The following PTPN1 variants were observed in gnomAD, a reference collection of about 807,000 sequenced individuals.
The protein encoded by PTPN1 is tyrosine-protein phosphatase non-receptor type 1.
Under a neutral mutation model 59.9 loss-of-function variants are expected in PTPN1, and 12 were observed. The ratio of observed to expected loss-of-function variants is 0.20; its 90% CI spans 0.13 to 0.32. The LOEUF is 0.32. Ranked by LOEUF, PTPN1 falls within the 10% of genes least tolerant of loss-of-function variation. The pLI, the probability that PTPN1 is intolerant of heterozygous loss-of-function variation, is 1.00. For synonymous variants in PTPN1, 178 were observed against 203.6 expected (o/e 0.87, Z 1.07); for missense variants, 356 against 549.2 (o/e 0.65, Z 3.52).
intron 1 of PTPN1, among the ~76,000 whole-genome samples, chr20:50,543,619 G>A (rs1425003313): frequency 1.3e-5 from 2 of 152,148 alleles, no homozygotes; most frequent in East Asian, 3.8e-4. Context: ...AGCTGACCAA[G>A]CCAGAAGAAG....
chr20:50,543,622 A>C (rs1040085789), intron 1 of PTPN1, among the ~76,000 whole-genome samples: 1 of 152,234 alleles, frequency 6.6e-6, no homozygotes, highest in African/African-American at 2.4e-5. Flanking sequence ...TGACCAAGCC[A>C]GAAGAAGCAC....
intron 1 of PTPN1, among the ~76,000 whole-genome samples, chr20:50,545,899 G>A (rs896084012): frequency 6.6e-6 from 1 of 150,540 alleles, no homozygotes; most frequent in African/African-American, 2.5e-5. Flanking sequence ...ATGGTGGAAC[G>A]TAGTGCGTGG....
At chr20:50,544,810 G>A (rs1457856085) in intron 1 of PTPN1, among the ~76,000 whole-genome samples, 1 of 152,132 alleles carries the variant, frequency 6.6e-6, no homozygotes, top group Non-Finnish European at 1.5e-5. Context: ...TTCGAGACTA[G>A]CCTGGCCAAC....
chr20:50,568,235 G>T lies in PTPN1; in HGVS notation c.256-145G>T. 1 of 660,086 alleles carries T rather than the reference G, an allele frequency of 1.5e-6. No homozygotes were observed. The allele number at this position is 660,086 out of a possible 1,614,324, so 40.9% of individuals were successfully genotyped here. The stretch of plus-strand genomic sequence containing the variant: ...GTTACTGACCACCAGGCAGAGAGAG[G>T]TGGGTCCCTGTCCCAGCCTCAGCCA... On this transcript the variant is annotated intron_variant, in intron 3 of 9. Transcript: ENST00000371621. This position sits in a 1 kb window ranked among gnomAD's most constrained non-coding sequence, Gnocchi z 5.6.
chr20:50,568,929 C>T lies in PTPN1; in HGVS notation c.354+451C>T, dbSNP rs1355640310. Among the ~76,000 whole-genome samples, 3 of 152,208 alleles carry T rather than the reference C, an allele frequency of 2.0e-5. No homozygotes were observed. Reference sequence around the variant, plus strand: ...TGACTAGATGAGATTTGCCTCCATTCAGTACCTAGACTCTTGCCCTGCCAC... The same window carrying T: ...TGACTAGATGAGATTTGCCTCCATTTAGTACCTAGACTCTTGCCCTGCCAC... On this transcript the variant is annotated intron_variant, in intron 4 of 9. Coordinates refer to ENST00000371621, the MANE Select transcript of PTPN1 (RefSeq NM_002827.4). The surrounding 1 kb of genome is among the most constrained non-coding windows in gnomAD (Gnocchi z 5.6).
Position 50,579,323 on chromosome 20 carries a change from C to T in PTPN1, c.858C>T (p.Ser286=), listed in dbSNP as rs781401351. ...EGAKFIMGDS[S]VQDQWKELSH... ...CCAAATTCATCATGGGGGACTCTTCCGTGCAGGTCAGCATTGCCTTTGTTT... is the reference window on the plus strand; with the variant it reads ...CCAAATTCATCATGGGGGACTCTTCTGTGCAGGTCAGCATTGCCTTTGTTT... Residue 286 remains serine, a synonymous_variant, in exon 7 of 10, where the codon TCC becomes TCT. Transcript: ENST00000371621. 6.1e-5 allele frequency: 98 copies of T among 1,613,798 alleles called. No homozygotes were observed. The highest frequency in any genetic ancestry group is 1.2e-4 in the Admixed American group (7 of 59,992).
rs550358926 is a variant in PTPN1 at position 50,552,472 on chromosome 20, A to C, written c.64-8891A>C. Among the ~76,000 whole-genome samples, 5 of 152,112 alleles carry C rather than the reference A, an allele frequency of 3.3e-5. No homozygotes were observed. The South Asian group carries it at 1.0e-3, about 32-fold the overall frequency. ...GTTTCCTGACTGTATCCTTCCTTAC[A>C]CCATTGATCCCTGCAATCCCATCTG... On this transcript the variant is annotated intron_variant, in intron 1 of 9. Coordinates refer to ENST00000371621, the MANE Select transcript of PTPN1 (RefSeq NM_002827.4).
intron 1 of PTPN1, among the ~76,000 whole-genome samples, chr20:50,546,344 G>A (rs2082676139): frequency 6.6e-6 from 1 of 152,194 alleles, no homozygotes. Context: ...GGAGTTCTTT[G>A]GAAAGCCACA....
intron 1 of PTPN1, among the ~76,000 whole-genome samples, chr20:50,539,644 CTTTTT>C (rs5841806): frequency 1.8e-4 from 16 of 90,534 alleles, no homozygotes; most frequent in African/African-American, 5.5e-4. Flanking sequence ...CTCTTTCTCT[CTTTTT>C]TTTTTTTTTT....
At chr20:50,570,795 A>G (rs1239046352) in intron 4 of PTPN1, among the ~76,000 whole-genome samples, 4 of 152,158 alleles carry the variant, frequency 2.6e-5, no homozygotes, top group African/African-American at 9.7e-5. Context: ...TATCCACCAG[A>G]TGCCAGTAGC....
intron 4 of PTPN1, chr20:50,571,563 A>G (rs1405399553): frequency 1.3e-5 from 2 of 152,242 alleles, no homozygotes; most frequent in Non-Finnish European, 2.9e-5. Flanking sequence ...TTTTCATTTA[A>G]TGCATACTTG....
intron 1 of PTPN1, among the ~76,000 whole-genome samples, chr20:50,514,524 T>TTTTC (rs147839042): frequency 7.1e-4 from 108 of 152,210 alleles, no homozygotes; most frequent in African/African-American, 2.5e-3. Flanking sequence ...TAGCACTGCT[T>TTTTC]TTTCTTTCTT....
chr20:50,529,944 G>A (rs2082593471), intron 1 of PTPN1, among the ~76,000 whole-genome samples: 1 of 151,874 alleles, frequency 6.6e-6, no homozygotes, highest in Non-Finnish European at 1.5e-5. Flanking sequence ...GCTCAATCTC[G>A]GCTCAGTGCA....
chr20:50,515,409 T>G (rs1458354073), intron 1 of PTPN1, among the ~76,000 whole-genome samples: 1 of 152,218 alleles, frequency 6.6e-6, no homozygotes, highest in Non-Finnish European at 1.5e-5. Context: ...CTGGCACATA[T>G]CTCTTCTAAA....
chr20:50,518,615 A>AT (rs1345828726), intron 1 of PTPN1, among the ~76,000 whole-genome samples: 2 of 151,984 alleles, frequency 1.3e-5, no homozygotes, highest in East Asian at 3.9e-4. Context: ...AGAATATGTC[A>AT]TTTTTTGGTT....
Position 50,563,859 on chromosome 20 carries a change from T to TGACA in PTPN1, c.155-1109_155-1106dup, listed in dbSNP as rs529681338. Among the ~76,000 whole-genome samples, 10 of 152,272 alleles carry TGACA rather than the reference T, an allele frequency of 6.6e-5. No individual in the cohort carries two copies. In the South Asian group the frequency reaches 2.1e-3, roughly 32 times the overall value. ...GGCCCTCAGAGAGCTACTGCTTTTG[T>TGACA]GACAAACAAATGATACAAGAAAAAA... On this transcript the variant is annotated intron_variant, in intron 2 of 9. Transcript: ENST00000371621.
intron 2 of PTPN1, among the ~76,000 whole-genome samples, chr20:50,562,561 C>T (rs768629570): frequency 7.2e-5 from 11 of 152,184 alleles, no homozygotes; most frequent in Non-Finnish European, 1.0e-4. Context: ...CTTAGCCCAG[C>T]GCCCAGTACC....
intron 4 of PTPN1, among the ~76,000 whole-genome samples, chr20:50,570,031 G>A (rs2082800106): frequency 6.6e-6 from 1 of 152,256 alleles, no homozygotes; most frequent in African/African-American, 2.4e-5. Context: ...CTAGGACACG[G>A]CTCTCACAGC....
chr20:50,544,780 G>A (rs564605668), intron 1 of PTPN1, among the ~76,000 whole-genome samples: 3 of 152,140 alleles, frequency 2.0e-5, no homozygotes, highest in East Asian at 1.9e-4. Flanking sequence ...TGAGGTGGGC[G>A]GATCACCTGA....
Sources: allele counts gnomAD v4.1 joint callset (sites outside exome capture counted in the v4.1 genomes callset), GRCh38; gene constraint gnomAD v4.1.1; non-coding constraint Gnocchi (gnomAD v3.1); transcripts MANE v1.5; gene names NCBI Gene and HGNC (gene_info 2026-07-23, HGNC 2026-07-21).